RNF7: variants seen among roughly 807,000 people sequenced by gnomAD.
RNF7 encodes the protein RING-box protein 2.
A neutral mutation model predicts 17.0 loss-of-function variants in RNF7; 9 were observed. The observed-to-expected ratio is 0.53, with a 90% CI of 0.32 to 0.92. RNF7 has a LOEUF of 0.92. Among genes scored for constraint, RNF7 ranks in the 40% least tolerant of loss-of-function variants. RNF7 has a pLI of 0.04. For synonymous variants in RNF7, 59 were observed against 50.5 expected (o/e 1.17, Z -0.72); for missense variants, 87 against 145.8 (o/e 0.60, Z 2.08).
chr3:141,744,785 G>A lies in RNF7; in HGVS notation c.224-374G>A, dbSNP rs112162512. 4.2e-3 allele frequency among the ~76,000 whole-genome samples: 646 copies of A among 152,258 alleles called. 6 individuals carry two copies. The highest frequency in any genetic ancestry group is 0.015 in the African/African-American group (615 of 41,548). On this transcript the variant is annotated intron_variant, in intron 2 of 2. Coordinates refer to ENST00000273480, the MANE Select transcript of RNF7 (RefSeq NM_014245.5). ...TGTCTTGGTAAATAAAAATTGGAAGGACATTTTCCCATAAAATAAAGCCCA... is the reference window on the plus strand; with the variant it reads ...TGTCTTGGTAAATAAAAATTGGAAGAACATTTTCCCATAAAATAAAGCCCA...
chr3:141,742,280 G>T (rs1012556844), intron 1 of RNF7, among the ~76,000 whole-genome samples: 3 of 143,878 alleles, frequency 2.1e-5, no homozygotes, highest in African/African-American at 5.2e-5. Context: ...AGGCTGGAGT[G>T]CAGTGGCGCT....
intron 1 of RNF7, among the ~76,000 whole-genome samples, chr3:141,739,060 T>C (rs1345216410): frequency 2.0e-5 from 3 of 152,120 alleles, no homozygotes; most frequent in East Asian, 1.9e-4. Context: ...TTCATAGCCA[T>C]TGCATTTCCG....
At chr3:141,742,781 G>A (rs2084433799) in intron 1 of RNF7, 1 of 1,270,922 alleles carries the variant, frequency 7.9e-7, no homozygotes, top group Non-Finnish European at 1.0e-6. Flanking sequence ...GCCTTGTCTG[G>A]ATGACCATCG....
At chr3:141,738,678 T>A (rs560442701) in intron 1 of RNF7, among the ~76,000 whole-genome samples, 162 bp downstream of exon 1, 169 of 148,052 alleles carry the variant, frequency 1.1e-3, no homozygotes, top group Non-Finnish European at 1.8e-3. Flanking sequence ...GGAGCCACGC[T>A]CCTGCTGCGG....
rs1344981432 is a variant in RNF7, at chr3:141,738,512, G to A, written c.171G>A (p.Val57=). 3 of 1,612,550 alleles carry A rather than the reference G, an allele frequency of 1.9e-6. No homozygotes were observed. The highest frequency in any genetic ancestry group is 4.5e-5 in the East Asian group (2 of 44,836). ...CGTGCGCCATCTGCAGGGTCCAGGT[G>A]ATGGGTAAGCGCTGCACGCGAGTCC... is the stretch of plus-strand genomic sequence containing the variant. ...CDTCAICRVQ[V]MDACLRCQAE... Residue 57 remains valine, a synonymous_variant, in exon 1 of 3, where the codon GTG becomes GTA. Coordinates refer to ENST00000273480, the MANE Select transcript of RNF7 (RefSeq NM_014245.5).
chr3:141,742,040 C>A (rs1046177665), intron 1 of RNF7, among the ~76,000 whole-genome samples: 1 of 151,664 alleles, frequency 6.6e-6, no homozygotes, highest in African/African-American at 2.4e-5. Flanking sequence ...AGGGTTGTTA[C>A]ATAGATAAAC....
At chr3:141,739,596 G>A (rs944355931) in intron 1 of RNF7, among the ~76,000 whole-genome samples, 1 of 152,314 alleles carries the variant, frequency 6.6e-6, no homozygotes, top group African/African-American at 2.4e-5. Flanking sequence ...AAAAATGAGA[G>A]AATTGGAGAA....
intron 2 of RNF7, 150 bp from the exon 3 acceptor site, chr3:141,745,009 T>G: frequency 1.9e-6 from 1 of 514,338 alleles, no homozygotes; most frequent in South Asian, 2.2e-5. Context: ...CATTTAAGTT[T>G]CTGTTTCTTT....
rs558818838 is a variant in RNF7 at position 141,746,311 on chromosome 3, T to C, written c.*1034T>C. 1 of 152,276 alleles carries C rather than the reference T, an allele frequency of 6.6e-6. No individual in the cohort carries two copies. The highest frequency in any genetic ancestry group is 1.9e-4 in the East Asian group (1 of 5,180). The allele number at this position is 152,276 out of a possible 1,614,324, so 9.4% of individuals were successfully genotyped here. A position where few individuals can be genotyped will look rare whatever the true frequency, so the allele number is the denominator to read the frequency against. On this transcript the variant is annotated 3_prime_UTR_variant, in exon 3 of 3. Transcript: ENST00000273480. ...TAATTTAACTGTGTTTTAGGTAACA[T>C]GTTAATGAGGGAAAATGTTTACCAG...
rs575118210 is a variant in RNF7 at position 141,747,557 on chromosome 3, A to C, written c.*2280A>C. The C allele has an allele frequency of 2.0e-5, 3 of 152,326 alleles. No individual in the cohort carries two copies. The East Asian group carries it at 5.8e-4, about 29-fold the overall frequency. The allele number at this position is 152,326 out of a possible 1,614,324, so 9.4% of individuals were successfully genotyped here. A position where few individuals can be genotyped will look rare whatever the true frequency, so the allele number is the denominator to read the frequency against. ...ATTCATAAATATATTTCCTACACAT[A>C]TAATTTAAATGTATGTAATTGTTAT... is the stretch of plus-strand genomic sequence containing the variant. On this transcript the variant is annotated 3_prime_UTR_variant, in exon 3 of 3. Coordinates refer to ENST00000273480, the MANE Select transcript of RNF7 (RefSeq NM_014245.5).
chr3:141,738,415 G>C lies in RNF7; in HGVS notation c.74G>C (p.Gly25Ala). 1.2e-6 allele frequency: 2 copies of C among 1,610,688 alleles called. No homozygotes were observed. The highest frequency in any genetic ancestry group is 1.7e-6 in the Non-Finnish European group (2 of 1,178,544). The change falls in exon 1 of 3, where the codon GGA becomes GCA. Residue 25 changes from glycine (G) to alanine (A), a missense_variant. Gly to Ala is a moderately conservative substitution (Grantham distance 60). This residue lies in a region of RNF7 where 51 missense variants were observed against 41.0 expected (regional missense o/e 1.24). Transcript: ENST00000273480. ...SHSGSSGSKS[G>A]GDKMFSLKKW... ...TCCGGGAGCTCAGGCTCCAAGTCGG[G>C]AGGCGACAAGATGTTCTCCCTCAAG...
At position 141,747,246 on chromosome 3, in the gene RNF7, T is replaced by C. The variant is rs963522317; in HGVS notation, c.*1969T>C. 11 of 152,252 alleles carry C rather than the reference T, an allele frequency of 7.2e-5. No individual in the cohort carries two copies. Among genetic ancestry groups the C allele is most frequent in the African/African-American group, 2.7e-4 (11 of 41,466 alleles). The allele number at this position is 152,252 out of a possible 1,614,324, so 9.4% of individuals were successfully genotyped here. On this transcript the variant is annotated 3_prime_UTR_variant, in exon 3 of 3. Coordinates refer to ENST00000273480, the MANE Select transcript of RNF7 (RefSeq NM_014245.5). ...TGATTACAGCTCATCTGCACAGCCA[T>C]CTGAAAGTTTAATACATACTCATCA... is the stretch of plus-strand genomic sequence containing the variant.
In RNF7 at chr3:141,746,499, G is replaced by A. The variant is rs893115446; in HGVS notation, c.*1222G>A. 2.0e-5 allele frequency: 3 copies of A among 151,978 alleles called. No homozygotes were observed. The highest frequency in any genetic ancestry group is 4.4e-5 in the Non-Finnish European group (3 of 68,002). 9.4% of individuals were successfully genotyped at this position (151,978 alleles called of 1,614,324 possible). A position where few individuals can be genotyped will look rare whatever the true frequency, so the allele number is the denominator to read the frequency against. On this transcript the variant is annotated 3_prime_UTR_variant, in exon 3 of 3. Transcript: ENST00000273480. ...TTCATATTCATTTGCTCTTTCATTT[G>A]ACAATAATAAAATTTAAGGTTTATT...
At chr3:141,743,222 G>A (rs553517710) in intron 1 of RNF7, among the ~76,000 whole-genome samples, 31 of 152,196 alleles carry the variant, frequency 2.0e-4, no homozygotes, top group Middle Eastern at 3.4e-3. Context: ...GTGGAGTATG[G>A]CATATTTTTC....
chr3:141,744,303 CT>C (rs775153703), intron 2 of RNF7, among the ~76,000 whole-genome samples: 6 of 152,294 alleles, frequency 3.9e-5, no homozygotes, highest in African/African-American at 1.2e-4. Flanking sequence ...TTCCTACCCC[CT>C]GTAGCCAATT....
In RNF7 at chr3:141,746,837, G is replaced by T. The variant is rs1266604632; in HGVS notation, c.*1560G>T. The T allele has an allele frequency of 1.3e-5, 2 of 152,092 alleles. No homozygotes were observed. Among genetic ancestry groups the T allele is most frequent in the Non-Finnish European group, 2.9e-5 (2 of 68,010 alleles). 9.4% of individuals were successfully genotyped at this position (152,092 alleles called of 1,614,324 possible). A position where few individuals can be genotyped will look rare whatever the true frequency, so the allele number is the denominator to read the frequency against. ...ACTTTTTATTGATCACATTTCTCTGGAAATTTTTCTTTATATTTTTTCACA... is the reference window on the plus strand; with the variant it reads ...ACTTTTTATTGATCACATTTCTCTGTAAATTTTTCTTTATATTTTTTCACA... On this transcript the variant is annotated 3_prime_UTR_variant, in exon 3 of 3. Coordinates refer to ENST00000273480, the MANE Select transcript of RNF7 (RefSeq NM_014245.5).
chr3:141,745,152 C>A lies in RNF7; in HGVS notation c.224-7C>A. The A allele has an allele frequency of 1.3e-6, 2 of 1,578,744 alleles. No homozygotes were observed. Among genetic ancestry groups the A allele is most frequent in the African/African-American group, 1.4e-5 (1 of 73,914 alleles). On this transcript the variant is annotated splice_polypyrimidine_tract_variant and splice_region_variant and intron_variant, in intron 2 of 2. Transcript: ENST00000273480. ...GTAATGTCAACTCTTCTTTTTCTTT[C>A]TTTCAGTGGTCTGGGGAGAATGTAA...
rs1436673664 is a variant in RNF7 at position 141,746,395 on chromosome 3, T to C, written c.*1118T>C. On this transcript the variant is annotated 3_prime_UTR_variant, in exon 3 of 3. Transcript: ENST00000273480. ...GTTTTAATAAATGGTTTATTCTGCT[T>C]ACCTTATTTGAATTGTCATTATAAT... 1 of 152,256 alleles carries C rather than the reference T, an allele frequency of 6.6e-6. No individual in the cohort carries two copies. Among genetic ancestry groups the C allele is most frequent in the Non-Finnish European group, 1.5e-5 (1 of 68,040 alleles). 9.4% of individuals were successfully genotyped at this position (152,256 alleles called of 1,614,324 possible).
rs547858830 is a variant in RNF7, at chr3:141,746,723, T to C, written c.*1446T>C. On this transcript the variant is annotated 3_prime_UTR_variant, in exon 3 of 3. Transcript: ENST00000273480. ...AGATGCAGTGTGCCATTCTGAATTT[T>C]TCAATCTAAGGGATGTGGATACATA... The C allele has an allele frequency of 5.9e-5, 9 of 152,340 alleles. No homozygotes were observed. The highest frequency in any genetic ancestry group is 1.2e-4 in the Non-Finnish European group (8 of 68,026). 9.4% of individuals were successfully genotyped at this position (152,340 alleles called of 1,614,324 possible). A position where few individuals can be genotyped will look rare whatever the true frequency, so the allele number is the denominator to read the frequency against.
Sources: allele counts gnomAD v4.1 joint callset (sites outside exome capture counted in the v4.1 genomes callset), GRCh38; gene constraint gnomAD v4.1.1; regional missense constraint gnomAD v4.1.1; transcripts MANE v1.5; gene names NCBI Gene and HGNC (gene_info 2026-07-23, HGNC 2026-07-21).